The following LRMDA variants were observed in gnomAD, a reference collection of about 807,000 sequenced individuals.
LRMDA encodes the protein leucine rich melanocyte differentiation associated.
LRMDA carries 18 observed loss-of-function variants against 29.8 expected under a neutral mutation model. That is an observed-to-expected ratio of 0.60 (90% CI 0.42 to 0.90). The LOEUF is 0.90. Among genes scored for constraint, LRMDA ranks in the 40% least tolerant of loss-of-function variants. The pLI, the probability that LRMDA is intolerant of heterozygous loss-of-function variation, is 0.00. For synonymous variants in LRMDA, 125 were observed against 109.4 expected, an observed-to-expected ratio of 1.14 and a Z score of -0.89; for missense variants, 273 against 273.9, an observed-to-expected ratio of 1.00 and a Z score of 0.02.
At chr10:75,913,744 T>C (rs928966910) in intron 2 of LRMDA, among the ~76,000 whole-genome samples, 2 of 152,164 alleles carry the variant, frequency 1.3e-5, no homozygotes, top group African/African-American at 4.8e-5. Context: ...TGGGGTGGCC[T>C]TTTAGGTATA....
chr10:76,080,171 C>T (rs1424700345), intron 5 of LRMDA, among the ~76,000 whole-genome samples: 2 of 152,174 alleles, frequency 1.3e-5, no homozygotes, highest in African/African-American at 4.8e-5. Context: ...TTTCTCTCAT[C>T]AATCCTTCGG....
At chr10:76,455,532 C>A (rs1005576314) in intron 6 of LRMDA, among the ~76,000 whole-genome samples, 1 of 152,090 alleles carries the variant, frequency 6.6e-6, no homozygotes, top group Non-Finnish European at 1.5e-5. Flanking sequence ...CAGGAGGCTC[C>A]TTACCTTAGT....
At chr10:75,491,175 A>G (rs1461397449) in intron 2 of LRMDA, among the ~76,000 whole-genome samples, 1 of 152,198 alleles carries the variant, frequency 6.6e-6, no homozygotes, top group African/African-American at 2.4e-5. Context: ...GCATTTTATT[A>G]TGTAGCTTCG....
chr10:76,321,417 C>T (rs755555559), intron 5 of LRMDA, among the ~76,000 whole-genome samples: 6 of 152,148 alleles, frequency 3.9e-5, no homozygotes, highest in Non-Finnish European at 8.8e-5. Flanking sequence ...TTGCATTGCC[C>T]TTAGTCCTAG....
At chr10:75,946,338 T>C (rs746346309) in intron 2 of LRMDA, among the ~76,000 whole-genome samples, 3 of 152,230 alleles carry the variant, frequency 2.0e-5, no homozygotes, top group Non-Finnish European at 4.4e-5. Context: ...TCACGCTAGA[T>C]AACTTTTTTC....
intron 2 of LRMDA, among the ~76,000 whole-genome samples, chr10:75,886,128 G>T (rs1845383096): frequency 6.6e-6 from 1 of 152,164 alleles, no homozygotes; most frequent in Non-Finnish European, 1.5e-5. Context: ...ATAACAGAAA[G>T]TGACAACCAG....
At chr10:75,941,306 T>C (rs1846387627) in intron 2 of LRMDA, among the ~76,000 whole-genome samples, 1 of 152,178 alleles carries the variant, frequency 6.6e-6, no homozygotes, top group Non-Finnish European at 1.5e-5. Context: ...GAGGATTAAA[T>C]AACTAATGAC....
At chr10:76,438,655 C>T (rs1197555308) in intron 6 of LRMDA, 1 of 152,140 alleles carries the variant, frequency 6.6e-6, no homozygotes, top group Non-Finnish European at 1.5e-5. Context: ...TTGTGAATCC[C>T]AGGGGCCTCT....
At chr10:76,188,935 TACACACACACACACACAC>T (rs3998129) in intron 5 of LRMDA, among the ~76,000 whole-genome samples, 1 of 141,636 alleles carries the variant, frequency 7.1e-6, no homozygotes, top group African/African-American at 2.5e-5. Flanking sequence ...TGATTGCATG[TACACACACACACACACAC>T]ACACACACAC....
At chr10:76,148,925 G>A (rs369913543) in intron 5 of LRMDA, among the ~76,000 whole-genome samples, 95 of 152,250 alleles carry the variant, frequency 6.2e-4, no homozygotes, top group South Asian at 4.6e-3. Flanking sequence ...GAATAGAGTC[G>A]CTGAGTCTTT....
intron 6 of LRMDA, among the ~76,000 whole-genome samples, chr10:76,459,815 G>A (rs967450536): frequency 6.6e-6 from 1 of 151,900 alleles, no homozygotes; most frequent in South Asian, 2.1e-4. Context: ...GGGGTACAAC[G>A]TGCAGGTTTG....
intron 5 of LRMDA, among the ~76,000 whole-genome samples, chr10:76,124,818 A>C (rs1259964333): frequency 1.3e-5 from 2 of 152,228 alleles, no homozygotes; most frequent in African/African-American, 4.8e-5. Context: ...ATGCTTTGCC[A>C]GCCGATTCCT....
intron 2 of LRMDA, among the ~76,000 whole-genome samples, chr10:75,865,803 A>G (rs771709799): frequency 6.6e-6 from 1 of 152,154 alleles, no homozygotes; most frequent in Non-Finnish European, 1.5e-5. Context: ...CACTTTTTCT[A>G]ATGAATCATT....
At chr10:75,680,874 G>T (rs528249407) in intron 2 of LRMDA, among the ~76,000 whole-genome samples, 1 of 152,012 alleles carries the variant, frequency 6.6e-6, no homozygotes, top group East Asian at 1.9e-4. Flanking sequence ...GAGTACAAGC[G>T]CCCTTATTCA....
intron 5 of LRMDA, among the ~76,000 whole-genome samples, chr10:76,188,950 A>ACGCG (rs148405679): frequency 6.6e-6 from 1 of 151,602 alleles, no homozygotes; most frequent in Non-Finnish European, 1.5e-5. Context: ...ACACACACAC[A>ACGCG]CACACACACA....
intron 2 of LRMDA, among the ~76,000 whole-genome samples, chr10:75,767,759 T>A (rs757452639): frequency 6.6e-6 from 1 of 152,224 alleles, no homozygotes; most frequent in East Asian, 1.9e-4. Context: ...TCCTAACCCC[T>A]GGAACAGTAA....
intron 6 of LRMDA, among the ~76,000 whole-genome samples, chr10:76,333,149 A>G (rs1840924678): frequency 6.6e-6 from 1 of 152,232 alleles, no homozygotes; most frequent in Non-Finnish European, 1.5e-5. Flanking sequence ...CACAAGGACA[A>G]GAACAGGTAG....
intron 5 of LRMDA, among the ~76,000 whole-genome samples, chr10:76,277,801 G>A (rs754330574): frequency 1.3e-5 from 2 of 152,186 alleles, no homozygotes; most frequent in African/African-American, 2.4e-5. Flanking sequence ...AGAAAATGGG[G>A]TAGGGAGGAG....
intron 5 of LRMDA, among the ~76,000 whole-genome samples, chr10:76,137,945 A>G (rs1014161123): frequency 2.6e-5 from 4 of 152,112 alleles, no homozygotes; most frequent in Non-Finnish European, 4.4e-5. Flanking sequence ...AGAAGGAAGA[A>G]CTGAGGAGCG....
Sources: allele counts gnomAD v4.1 joint callset (sites outside exome capture counted in the v4.1 genomes callset), GRCh38; gene constraint gnomAD v4.1.1; transcripts MANE v1.5; gene names NCBI Gene and HGNC (gene_info 2026-07-23, HGNC 2026-07-21).